Variants in GATAD2B observed in about 807,000 individuals in gnomAD.
GATAD2B encodes the protein GATA zinc finger domain containing 2B.
In GATAD2B, 8 loss-of-function variants were observed where a neutral mutation model predicts 64.3. That is an observed-to-expected ratio of 0.12 (90% CI 0.07 to 0.22). GATAD2B has a LOEUF of 0.22. GATAD2B is among the 10% of genes least tolerant of loss of function. GATAD2B has a pLI of 1.00. For synonymous variants in GATAD2B, 281 were observed against 271.3 expected, an observed-to-expected ratio of 1.04 and a Z score of -0.35; for missense variants, 453 against 752.0, an observed-to-expected ratio of 0.60 and a Z score of 4.65.
Position 153,808,957 on chromosome 1 carries a change from G to C in GATAD2B, c.*1220C>G, listed in dbSNP as rs1674193081. The C allele has an allele frequency of 6.6e-6, 1 of 152,176 alleles. No homozygotes were observed. The highest frequency in any genetic ancestry group is 1.9e-4 in the East Asian group (1 of 5,200). 9.4% of individuals were successfully genotyped at this position (152,176 alleles called of 1,614,324 possible). A position where few individuals can be genotyped will look rare whatever the true frequency, so the allele number is the denominator to read the frequency against. On this transcript the variant is annotated 3_prime_UTR_variant, in exon 11 of 11. Transcript: ENST00000368655. ...TTCTGCAGCTGGTGCAGCAGAGTAA[G>C]GACAGGACTCCAACCTGATTGTGTA...
Position 153,807,550 on chromosome 1 carries a change from A to C in GATAD2B, c.*2627T>G, listed in dbSNP as rs142057668. On this transcript the variant is annotated 3_prime_UTR_variant, in exon 11 of 11. Coordinates refer to ENST00000368655, the MANE Select transcript of GATAD2B (RefSeq NM_020699.4). ...GGGTCACCGAGCTATACTAGTCAAG[A>C]AGCAGCTTCTATGTAACTGACCCTG... The C allele has an allele frequency of 6.6e-6, 1 of 152,384 alleles. No individual in the cohort carries two copies. Among genetic ancestry groups the C allele is most frequent in the East Asian group, 1.9e-4 (1 of 5,184 alleles). The allele number at this position is 152,384 out of a possible 1,614,324, so 9.4% of individuals were successfully genotyped here. A position where few individuals can be genotyped will look rare whatever the true frequency, so the allele number is the denominator to read the frequency against.
chr1:153,874,830 G>GC (rs1160044436), intron 1 of GATAD2B, among the ~76,000 whole-genome samples: 2 of 151,302 alleles, frequency 1.3e-5, no homozygotes, highest in East Asian at 2.0e-4. Flanking sequence ...ACTCGCCTTG[G>GC]CCCCCCAAAG....
chr1:153,810,943 T>G (rs756223587), intron 10 of GATAD2B, among the ~76,000 whole-genome samples: 8 of 151,978 alleles, frequency 5.3e-5, no homozygotes, highest in Non-Finnish European at 8.8e-5. Context: ...TTTTGTATTT[T>G]CAGTAGAGAT....
intron 4 of GATAD2B, 28 bp downstream of exon 4, chr1:153,818,763 T>C: frequency 5.0e-6 from 8 of 1,608,546 alleles, no homozygotes; most frequent in Non-Finnish European, 6.8e-6. Flanking sequence ...TTCCTTTCCC[T>C]TAGTCCCTTA....
At chr1:153,880,001 G>A (rs1007488031) in intron 1 of GATAD2B, among the ~76,000 whole-genome samples, 2 of 152,010 alleles carry the variant, frequency 1.3e-5, no homozygotes, top group African/African-American at 2.4e-5. Flanking sequence ...AAAGAATACC[G>A]CATTTTGATA....
chr1:153,875,832 A>G (rs1260073420), intron 1 of GATAD2B, among the ~76,000 whole-genome samples: 1 of 152,162 alleles, frequency 6.6e-6, no homozygotes, highest in African/African-American at 2.4e-5. Context: ...GCATTGCGCT[A>G]AAGTGCTTCA....
At chr1:153,821,723 C>G (rs572468695) in intron 2 of GATAD2B, among the ~76,000 whole-genome samples, 1 of 152,084 alleles carries the variant, frequency 6.6e-6, no homozygotes, top group South Asian at 2.1e-4. Flanking sequence ...GGCACCGCGC[C>G]TGGCTAATTT....
chr1:153,893,955 TAA>T (rs57287798), intron 1 of GATAD2B, among the ~76,000 whole-genome samples: 26 of 68,606 alleles, frequency 3.8e-4, no homozygotes, highest in African/African-American at 1.2e-3. Flanking sequence ...AGACTCCATC[TAA>T]AAAAAAAAAA....
intron 1 of GATAD2B, among the ~76,000 whole-genome samples, chr1:153,873,058 C>T (rs1541): frequency 0.84 from 127,017 of 152,036 alleles, 53,494 homozygotes; most frequent in Admixed American, 0.89. Context: ...CTCAGGGTTA[C>T]CCTAACGTTT....
At chr1:153,832,229 T>C (rs537040504) in intron 1 of GATAD2B, among the ~76,000 whole-genome samples, 2 of 151,176 alleles carry the variant, frequency 1.3e-5, no homozygotes, top group African/African-American at 4.9e-5. Flanking sequence ...AAAAAAAAAG[T>C]TAGCCAAGTT....
intron 2 of GATAD2B, among the ~76,000 whole-genome samples, chr1:153,820,974 A>ATTTTTTTTT (rs869096882): frequency 7.9e-5 from 4 of 50,840 alleles, no homozygotes; most frequent in African/African-American, 3.5e-4. Context: ...GGCACATGGA[A>ATTTTTTTTT]TTTTTTTTTT....
rs772966970 is a variant in GATAD2B, at chr1:153,813,331, G to A, written c.1338C>T (p.Thr446=). Residue 446 remains threonine, a synonymous_variant, in exon 8 of 11, where the codon ACC becomes ACT. Coordinates refer to ENST00000368655, the MANE Select transcript of GATAD2B (RefSeq NM_020699.4). ...CTTTTAGAGCCTTTTTCTGGTTGGA[G>A]GTCATACACTGCTCACATAGAATCT... ...NGKILCEQCM[T]SNQKKALKAE... 2.5e-6 allele frequency: 4 copies of A among 1,614,068 alleles called. No individual in the cohort carries two copies. Among genetic ancestry groups the A allele is most frequent in the South Asian group, 1.1e-5 (1 of 91,084 alleles).
Position 153,846,441 on chromosome 1 carries a change from T to C in GATAD2B, c.-1-18093A>G, listed in dbSNP as rs1317444801. 1.2e-4 allele frequency among the ~76,000 whole-genome samples: 19 copies of C among 152,096 alleles called. No individual in the cohort carries two copies. In the East Asian group the frequency reaches 3.5e-3, roughly 28 times the overall value. On this transcript the variant is annotated intron_variant, in intron 1 of 10. Transcript: ENST00000368655. ...TTTGTAGAGATGGGGTTTCACCATATTGGCCACGCTGGACTCGAACTCCTG... is the reference window on the plus strand; with the variant it reads ...TTTGTAGAGATGGGGTTTCACCATACTGGCCACGCTGGACTCGAACTCCTG...
intron 1 of GATAD2B, among the ~76,000 whole-genome samples, chr1:153,905,910 T>C (rs1442035174): frequency 6.9e-6 from 1 of 144,816 alleles, no homozygotes; most frequent in African/African-American, 2.6e-5. Flanking sequence ...CTACTAAAAA[T>C]ACAAAAATTA....
At chr1:153,841,562 T>C (rs573560398) in intron 1 of GATAD2B, among the ~76,000 whole-genome samples, 6 of 152,344 alleles carry the variant, frequency 3.9e-5, no homozygotes, top group South Asian at 2.1e-4. Context: ...ATGTAACTTT[T>C]AGGACTGGCC....
intron 1 of GATAD2B, among the ~76,000 whole-genome samples, chr1:153,859,601 T>C (rs1019792167): frequency 2.4e-4 from 36 of 147,754 alleles, no homozygotes; most frequent in Non-Finnish European, 4.2e-4. Flanking sequence ...ACCCAGGAGG[T>C]GGAGGCTGCA....
At chr1:153,906,793 A>G (rs1021361127) in intron 1 of GATAD2B, among the ~76,000 whole-genome samples, 15 of 152,240 alleles carry the variant, frequency 9.9e-5, no homozygotes, top group African/African-American at 3.4e-4. Context: ...CAACTTAGAA[A>G]CAAAAACAAC....
Position 153,813,289 on chromosome 1 carries a change from C to G in GATAD2B, c.1380G>C (p.Arg460=), listed in dbSNP as rs1231207488. The G allele has an allele frequency of 1.2e-6, 2 of 1,614,006 alleles. No individual in the cohort carries two copies. Among genetic ancestry groups the G allele is most frequent in the Non-Finnish European group, 1.7e-6 (2 of 1,180,010 alleles). The change falls in exon 8 of 11, where the codon CGG becomes CGC. Residue 460 remains arginine (R), a synonymous_variant. Transcript: ENST00000368655. The part of the protein sequence containing the change: ...KKALKAEHTN[R]LKNAFVKALQ... ...GGGCTTTCACAAATGCATTTTTCAG[C>G]CGGTTGGTGTGTTCAGCTTTTAGAG...
intron 1 of GATAD2B, among the ~76,000 whole-genome samples, chr1:153,869,898 G>A (rs1046934664): frequency 3.3e-5 from 5 of 152,048 alleles, no homozygotes; most frequent in East Asian, 1.9e-4. Context: ...AGGCTGAGGC[G>A]GCAGATGCCT....
Sources: gnomAD v4.1 joint callset for allele counts (sites outside exome capture counted in the v4.1 genomes callset) on GRCh38, gnomAD v4.1.1 for gene constraint, MANE v1.5 for transcripts, NCBI Gene and HGNC (gene_info 2026-07-23, HGNC 2026-07-21) for gene names.